Variants in PPP1R21 observed in about 807,000 individuals in gnomAD.
PPP1R21 encodes the protein protein phosphatase 1 regulatory subunit 21.
Under a neutral mutation model 112.8 loss-of-function variants are expected in PPP1R21, and 85 were observed. That is an observed-to-expected ratio of 0.75 (90% CI 0.63 to 0.90). The LOEUF is 0.90. Among genes scored for constraint, PPP1R21 ranks in the 40% least tolerant of loss-of-function variants. The probability of loss-of-function intolerance (pLI) is 0.00; values close to 1 mark genes in which losing one functional copy is unlikely to be tolerated. For missense variants in PPP1R21, 1,199 were observed against 901.5 expected (o/e 1.33, Z -4.23); for synonymous variants, 381 against 322.3 (o/e 1.18, Z -1.95).
At chr2:48,472,576 A>G (rs1160388484) in intron 11 of PPP1R21, among the ~76,000 whole-genome samples, 1 of 152,000 alleles carries the variant, frequency 6.6e-6, no homozygotes, top group Non-Finnish European at 1.5e-5. Flanking sequence ...CAGTGAGCCA[A>G]GGTCACATCA....
chr2:48,496,121 A>C (rs906602289), intron 16 of PPP1R21, among the ~76,000 whole-genome samples: 1 of 152,184 alleles, frequency 6.6e-6, no homozygotes, highest in Non-Finnish European at 1.5e-5. Context: ...TTATTTCTTA[A>C]AGGAGCAAGA....
chr2:48,457,875 A>G, intron 3 of PPP1R21: 3 of 389,316 alleles, frequency 7.7e-6, no homozygotes, highest in Non-Finnish European at 1.5e-5. Context: ...ATTCATCTGC[A>G]AAGAATAGTA....
chr2:48,472,652 C>T (rs545007826), intron 11 of PPP1R21, among the ~76,000 whole-genome samples: 1 of 151,442 alleles, frequency 6.6e-6, no homozygotes, highest in South Asian at 2.1e-4. Flanking sequence ...TAATTACTTA[C>T]AGATACTGAA....
intron 1 of PPP1R21, among the ~76,000 whole-genome samples, chr2:48,443,543 G>T (rs1667120744): frequency 6.6e-6 from 1 of 152,216 alleles, no homozygotes; most frequent in Non-Finnish European, 1.5e-5. Flanking sequence ...GGGAGGATGT[G>T]CCTGGAGGAG....
chr2:48,472,549 C>T (rs1035972779), intron 11 of PPP1R21, among the ~76,000 whole-genome samples: 1 of 151,926 alleles, frequency 6.6e-6, no homozygotes, highest in Non-Finnish European at 1.5e-5. Flanking sequence ...TCACTTGAAC[C>T]TGGGAGGCGG....
chr2:48,513,898 A>G (rs1670749450), intron 21 of PPP1R21, among the ~76,000 whole-genome samples: 2 of 152,134 alleles, frequency 1.3e-5, no homozygotes, highest in Admixed American at 1.3e-4. Flanking sequence ...AAATCTCCGT[A>G]TTTGAGGAAA....
At position 48,514,977 on chromosome 2, in the gene PPP1R21, G is replaced by T; in HGVS notation, c.*233G>T. The stretch of plus-strand genomic sequence containing the variant: ...AAATGGAAAACAATACGTATGTCAT[G>T]GATATTGTAGGTTTCCTTATGCTGT... On this transcript the variant is annotated 3_prime_UTR_variant, in exon 22 of 22. Transcript: ENST00000294952. 3.9e-6 allele frequency: 2 copies of T among 507,400 alleles called. No homozygotes were observed. The highest frequency in any genetic ancestry group is 6.8e-5 in the South Asian group (2 of 29,390). 31.4% of individuals were successfully genotyped at this position (507,400 alleles called of 1,614,324 possible). A position where few individuals can be genotyped will look rare whatever the true frequency, so the allele number is the denominator to read the frequency against.
At chr2:48,468,618 G>A (rs1052558923) in intron 9 of PPP1R21, among the ~76,000 whole-genome samples, 1 of 152,094 alleles carries the variant, frequency 6.6e-6, no homozygotes, top group African/African-American at 2.4e-5. Context: ...TTCAAGACCA[G>A]CCTGGGCAAC....
At chr2:48,470,060 T>A (rs1668433212) in intron 9 of PPP1R21, among the ~76,000 whole-genome samples, 2 of 152,188 alleles carry the variant, frequency 1.3e-5, no homozygotes, top group African/African-American at 4.8e-5. Flanking sequence ...ACTGAGAAAT[T>A]GAAATTTGAG....
chr2:48,494,193 C>G (rs1334170060), intron 15 of PPP1R21, among the ~76,000 whole-genome samples: 1 of 120,630 alleles, frequency 8.3e-6, no homozygotes, highest in Non-Finnish European at 1.6e-5. Context: ...GAGTCGTGAT[C>G]ACGCTACTGC....
intron 13 of PPP1R21, among the ~76,000 whole-genome samples, chr2:48,480,526 A>T (rs1372211452): frequency 6.6e-6 from 1 of 152,194 alleles, no homozygotes; most frequent in Admixed American, 6.5e-5. Flanking sequence ...TCAGTTTTCA[A>T]TTGCTTCTGT....
At chr2:48,498,791 A>G in intron 17 of PPP1R21, 56 bp downstream of exon 17, 1 of 1,563,334 alleles carries the variant, frequency 6.4e-7, no homozygotes, top group Non-Finnish European at 8.8e-7. Context: ...ATTGGTAAGT[A>G]TCTAATGTTC....
At chr2:48,458,488 G>A (rs1329107631) in intron 4 of PPP1R21, among the ~76,000 whole-genome samples, 1 of 151,826 alleles carries the variant, frequency 6.6e-6, no homozygotes, top group Non-Finnish European at 1.5e-5. Context: ...AATATACTGA[G>A]CATTATTCAT....
chr2:48,485,873 AT>A (rs1669262369), intron 13 of PPP1R21, among the ~76,000 whole-genome samples: 1 of 1,760 alleles, frequency 5.7e-4, no homozygotes, highest in African/African-American at 3.3e-3. Flanking sequence ...TAACTAATAT[AT>A]ACAATTGTAT....
chr2:48,495,676 T>C lies in PPP1R21; in HGVS notation c.1600-3T>C, dbSNP rs542515668. 16 of 1,567,234 alleles carry C rather than the reference T, an allele frequency of 1.0e-5. No homozygotes were observed. The highest frequency in any genetic ancestry group is 3.3e-4 in the Middle Eastern group (2 of 5,986). On this transcript the variant is annotated splice_polypyrimidine_tract_variant and splice_region_variant and intron_variant, in intron 15 of 21. Transcript: ENST00000294952. ...TTTAATTCTTATGATGCTTTTATCA[T>C]AGCCCCTCTTGGAGTCTGTGCCTTA...
At chr2:48,471,453 T>C (rs1185500705) in intron 11 of PPP1R21, 86 bp downstream of exon 11, 7 of 1,298,158 alleles carry the variant, frequency 5.4e-6, no homozygotes, top group African/African-American at 1.5e-5. Context: ...AACATGTGCC[T>C]CTTGTGATCT....
chr2:48,445,768 C>G lies in PPP1R21; in HGVS notation c.57+4758C>G, dbSNP rs146586488. 4.1e-3 allele frequency among the ~76,000 whole-genome samples: 624 copies of G among 152,298 alleles called. 3 individuals carry two copies. Among genetic ancestry groups the G allele is most frequent in the South Asian group, 0.018 (87 of 4,826 alleles). On this transcript the variant is annotated intron_variant, in intron 1 of 21. Coordinates refer to ENST00000294952, the MANE Select transcript of PPP1R21 (RefSeq NM_001135629.3). Reference sequence around the variant, plus strand: ...GGCAGATGTGAGTTTTTTCCTGCCTCAGTGACAAAGTAACCCTAGCTACTG... The same window carrying G: ...GGCAGATGTGAGTTTTTTCCTGCCTGAGTGACAAAGTAACCCTAGCTACTG...
rs750465223 is a variant in PPP1R21 at position 48,474,715 on chromosome 2, C to T, written c.1121C>T (p.Thr374Ile). Residue 374 changes from threonine to isoleucine, a missense_variant, in exon 12 of 22, where the codon ACA (threonine) becomes ATA (isoleucine). Coordinates refer to ENST00000294952, the MANE Select transcript of PPP1R21 (RefSeq NM_001135629.3). ...GAAGAATGTGAATCCTCTCTTTGCA[C>T]ATCTGCGTTAAGAGCCAGGAATCTA... ...LEEECESSLC[T>I]SALRARNLEL... is the part of the protein sequence containing the mutation. 7.4e-6 allele frequency: 12 copies of T among 1,612,100 alleles called. No individual in the cohort carries two copies. In the South Asian group the frequency reaches 1.2e-4, roughly 16 times the overall value.
intron 2 of PPP1R21, among the ~76,000 whole-genome samples, chr2:48,453,281 C>A (rs534245187): frequency 1.3e-5 from 2 of 152,136 alleles, no homozygotes; most frequent in Admixed American, 1.3e-4. Flanking sequence ...ACAGTTAAAT[C>A]ATCTGTTCGT....
Sources: gnomAD v4.1 joint callset for allele counts (sites outside exome capture counted in the v4.1 genomes callset) on GRCh38, gnomAD v4.1.1 for gene constraint, MANE v1.5 for transcripts, NCBI Gene and HGNC (gene_info 2026-07-23, HGNC 2026-07-21) for gene names.